Variants in PALS1 observed in about 807,000 individuals in gnomAD.
PALS1 encodes protein associated with LIN7 1, MAGUK p55 family member, also known as protein PALS1.
Under a neutral mutation model 78.9 loss-of-function variants are expected in PALS1, and 31 were observed. The observed-to-expected ratio is 0.39, with a 90% CI of 0.30 to 0.53. PALS1 has a LOEUF of 0.53. PALS1 is among the 20% of genes least tolerant of loss of function. The pLI, the probability that PALS1 is intolerant of heterozygous loss-of-function variation, is 0.67. For synonymous variants in PALS1, 276 were observed against 270.9 expected (o/e 1.02, Z -0.18); for missense variants, 704 against 826.5 (o/e 0.85, Z 1.82).
chr14:67,286,283 C>A (rs1015181103), intron 3 of PALS1, among the ~76,000 whole-genome samples: 3 of 152,174 alleles, frequency 2.0e-5, no homozygotes, highest in African/African-American at 7.2e-5. Context: ...TTCTCTCTTT[C>A]TCTGTCCATG....
At chr14:67,324,691 C>T (rs1380473812) in intron 14 of PALS1, among the ~76,000 whole-genome samples, 2 of 151,770 alleles carry the variant, frequency 1.3e-5, no homozygotes, top group Non-Finnish European at 2.9e-5. Flanking sequence ...CCACGTGATC[C>T]TCTCACCCCA....
At chr14:67,304,314 A>G (rs2084970775) in intron 8 of PALS1, among the ~76,000 whole-genome samples, 1 of 152,232 alleles carries the variant, frequency 6.6e-6, no homozygotes, top group Admixed American at 6.5e-5. Context: ...AAAAGGACTG[A>G]AAACATATAT....
intron 14 of PALS1, among the ~76,000 whole-genome samples, chr14:67,328,988 A>C (rs1305653393): frequency 6.6e-6 from 1 of 152,062 alleles, no homozygotes; most frequent in Non-Finnish European, 1.5e-5. Flanking sequence ...TATGAACTTT[A>C]AAGTAGTTTT....
chr14:67,322,164 G>T (rs183338353), intron 13 of PALS1, among the ~76,000 whole-genome samples: 4 of 152,004 alleles, frequency 2.6e-5, no homozygotes, highest in African/African-American at 9.7e-5. Flanking sequence ...TGGGCAACAC[G>T]GCAAAGCCCC....
chr14:67,243,323 G>C (rs979232178), intron 1 of PALS1, among the ~76,000 whole-genome samples: 1 of 151,412 alleles, frequency 6.6e-6, no homozygotes, highest in Non-Finnish European at 1.5e-5. Context: ...GACTAGCTGG[G>C]ACTACAGGTG....
At chr14:67,273,033 G>A (rs17104188) in intron 2 of PALS1, among the ~76,000 whole-genome samples, 7 of 151,242 alleles carry the variant, frequency 4.6e-5, no homozygotes, top group Non-Finnish European at 2.9e-5. Flanking sequence ...GTTGAGGACC[G>A]CATTTCTAAT....
rs1367111626 is a variant in PALS1, at chr14:67,278,996, TCCC to T, written c.-153-17_-153-15del. 5.3e-6 allele frequency: 3 copies of T among 570,348 alleles called. No homozygotes were observed. The highest frequency in any genetic ancestry group is 3.4e-5 in the South Asian group (1 of 29,642). 35.3% of individuals were successfully genotyped at this position (570,348 alleles called of 1,614,324 possible). A position where few individuals can be genotyped will look rare whatever the true frequency, so the allele number is the denominator to read the frequency against. Reference sequence around the variant, plus strand: ...TTATATTGTAATTCTTACACTTTTTTCCCCCCCATCTTTCCCCTTAGATTTCCT... The same window carrying T: ...TTATATTGTAATTCTTACACTTTTTTCCCCATCTTTCCCCTTAGATTTCCT... On this transcript the variant is annotated intron_variant, in intron 2 of 14. Transcript: ENST00000261681.
intron 2 of PALS1, among the ~76,000 whole-genome samples, chr14:67,278,253 C>G (rs1400000999): frequency 6.6e-6 from 1 of 151,776 alleles, no homozygotes; most frequent in Non-Finnish European, 1.5e-5. Flanking sequence ...TTGGCCAGGT[C>G]TCGAACTCCC....
intron 1 of PALS1, chr14:67,254,189 T>TC (rs1314214484): frequency 7.0e-6 from 1 of 142,350 alleles, no homozygotes; most frequent in East Asian, 2.4e-4. Context: ...TTTCTTTTTT[T>TC]TTTTTTTTTT....
chr14:67,292,110 A>G (rs1204348367), intron 3 of PALS1, among the ~76,000 whole-genome samples: 1 of 152,228 alleles, frequency 6.6e-6, no homozygotes, highest in East Asian at 1.9e-4. Context: ...TAATGGAATC[A>G]TTAAATATTT....
Position 67,332,819 on chromosome 14 carries a change from A to G in PALS1, c.1891A>G (p.Met631Val). 1.9e-6 allele frequency: 3 copies of G among 1,613,650 alleles called. No individual in the cohort carries two copies. Among genetic ancestry groups the G allele is most frequent in the African/African-American group, 1.3e-5 (1 of 75,038 alleles). Residue 631 changes from methionine (M) to valine (V), a missense_variant, in exon 15 of 15, where the codon ATG becomes GTG. Transcript: ENST00000261681. ...AGAAATCATTGAGAAGACAAGAGAG[A>G]TGGAGCAGAACAATGGCCACTACTT... ...LREIIEKTRE[M>V]EQNNGHYFDT...
rs751765290 is a variant in PALS1, at chr14:67,321,117, G to A, written c.1598G>A (p.Arg533Gln). The A allele has an allele frequency of 6.2e-6, 10 of 1,614,128 alleles. No individual in the cohort carries two copies. Among genetic ancestry groups the A allele is most frequent in the Admixed American group, 1.7e-5 (1 of 60,012 alleles). ...GGTAGAGATTACCACTTTGTTTCGC[G>A]GCAAGCATTCGAGGCAGACATAGCA... ...VAGRDYHFVS[R>Q]QAFEADIAAG... The change falls in exon 13 of 15, where the codon CGG becomes CAG. Residue 533 changes from arginine (R) to glutamine (Q), a missense_variant. Physicochemically the swap from Arg to Gln is conservative, Grantham distance 43 (BLOSUM62 1). Coordinates refer to ENST00000261681, the MANE Select transcript of PALS1 (RefSeq NM_022474.4).
Position 67,333,615 on chromosome 14 carries a change from C to A in PALS1, c.*659C>A, listed in dbSNP as rs1400718542. The stretch of plus-strand genomic sequence containing the variant: ...TTTTGCTCAGACTTTGTGGATCAGA[C>A]TCTACACTCAACACACTCTAATCTA... On this transcript the variant is annotated 3_prime_UTR_variant, in exon 15 of 15. Transcript: ENST00000261681. 1 of 152,542 alleles carries A rather than the reference C, an allele frequency of 6.6e-6. No individual in the cohort carries two copies. Among genetic ancestry groups the A allele is most frequent in the Non-Finnish European group, 1.5e-5 (1 of 68,006 alleles). The allele number at this position is 152,542 out of a possible 1,614,324, so 9.4% of individuals were successfully genotyped here.
At chr14:67,294,242 T>G (rs2084812766) in intron 4 of PALS1, 1 of 152,198 alleles carries the variant, frequency 6.6e-6, no homozygotes, top group African/African-American at 2.4e-5. Flanking sequence ...TGATAGAACG[T>G]GAATGGTTTC....
Position 67,302,611 on chromosome 14 carries a change from GA to G in PALS1, c.963+43del, listed in dbSNP as rs1198222330. 3 of 1,370,686 alleles carry G rather than the reference GA, an allele frequency of 2.2e-6. No individual in the cohort carries two copies. The African/African-American group carries it at 4.5e-5, about 21-fold the overall frequency. The allele number at this position is 1,370,686 out of a possible 1,614,324, so 84.9% of individuals were successfully genotyped here. On this transcript the variant is annotated intron_variant, in intron 7 of 14. Transcript: ENST00000261681. ...CTAGAAGAATAATTGATAGCTTTTA[GA>G]AAGCTCTTATTAGACTTTAGAATAA... is the stretch of plus-strand genomic sequence containing the variant.
At chr14:67,269,133 G>A (rs2084374273) in intron 1 of PALS1, among the ~76,000 whole-genome samples, 1 of 152,044 alleles carries the variant, frequency 6.6e-6, no homozygotes, top group South Asian at 2.1e-4. Flanking sequence ...ATGTGGTCGT[G>A]GTCCTTTGCT....
At chr14:67,294,670 T>C (rs928579093) in intron 4 of PALS1, 1 of 152,106 alleles carries the variant, frequency 6.6e-6, no homozygotes, top group Non-Finnish European at 1.5e-5. Context: ...TTCTTAGATA[T>C]TATAGTGCTT....
At chr14:67,280,137 T>G (rs1192750373) in intron 3 of PALS1, among the ~76,000 whole-genome samples, 1 of 152,212 alleles carries the variant, frequency 6.6e-6, no homozygotes, top group East Asian at 1.9e-4. Flanking sequence ...CTGGGCTAAA[T>G]AAGTTAAATA....
intron 2 of PALS1, among the ~76,000 whole-genome samples, chr14:67,274,651 C>A (rs1174490149): frequency 6.6e-6 from 1 of 152,142 alleles, no homozygotes; most frequent in African/African-American, 2.4e-5. Context: ...TTTTCCAATT[C>A]TGTGAAGAAA....
Sources: allele counts gnomAD v4.1 joint callset (sites outside exome capture counted in the v4.1 genomes callset), GRCh38; gene constraint gnomAD v4.1.1; transcripts MANE v1.5; gene names NCBI Gene and HGNC (gene_info 2026-07-23, HGNC 2026-07-21).